The following NRXN3 variants were observed in gnomAD, a reference collection of about 807,000 sequenced individuals.
NRXN3 encodes neurexin 3, also known as neurexin III.
Under a neutral mutation model 137.6 loss-of-function variants are expected in NRXN3, and 32 were observed. The ratio of observed to expected loss-of-function variants is 0.23; its 90% CI spans 0.18 to 0.31. NRXN3 has a LOEUF of 0.31. Ranked by LOEUF, NRXN3 falls within the 10% of genes least tolerant of loss-of-function variation. The pLI is 1.00. For synonymous variants in NRXN3, 798 were observed against 784.5 expected, an observed-to-expected ratio of 1.02 and a Z score of -0.29; for missense variants, 1,574 against 2,062.5, an observed-to-expected ratio of 0.76 and a Z score of 4.59.
intron 16 of NRXN3, among the ~76,000 whole-genome samples, chr14:79,498,903 G>A (rs1601251363): frequency 1.3e-5 from 2 of 152,296 alleles, no homozygotes; most frequent in South Asian, 4.1e-4. Context: ...TCCTGTCTCA[G>A]CCTCTTGAGT....
chr14:78,179,881 T>G (rs545505913), intron 1 of NRXN3, among the ~76,000 whole-genome samples: 38 of 150,988 alleles, frequency 2.5e-4, no homozygotes, highest in African/African-American at 9.0e-4. Context: ...ATCCTGCTCT[T>G]GTTACCCAGG....
chr14:78,599,028 C>T (rs1342823518), intron 4 of NRXN3, among the ~76,000 whole-genome samples: 3 of 152,188 alleles, frequency 2.0e-5, no homozygotes, highest in Non-Finnish European at 2.9e-5. Flanking sequence ...CCCTTTGTAA[C>T]AGGCAATAAT....
chr14:79,833,956 T>G (rs921532241), intron 20 of NRXN3, among the ~76,000 whole-genome samples: 5 of 152,152 alleles, frequency 3.3e-5, no homozygotes, highest in African/African-American at 1.2e-4. Flanking sequence ...GACAACATCT[T>G]GTATGTAAAC....
intron 15 of NRXN3, among the ~76,000 whole-genome samples, chr14:79,239,378 G>A (rs2073926948): frequency 6.6e-6 from 1 of 151,982 alleles, no homozygotes; most frequent in Admixed American, 6.6e-5. Context: ...GATAGATTGG[G>A]GCCTTTAATT....
intron 16 of NRXN3, among the ~76,000 whole-genome samples, chr14:79,583,019 T>C (rs746342707): frequency 3.9e-5 from 6 of 152,240 alleles, no homozygotes; most frequent in Non-Finnish European, 7.3e-5. Context: ...ATTTATAGAA[T>C]GTTTTTGCCT....
intron 16 of NRXN3, among the ~76,000 whole-genome samples, chr14:79,474,102 C>A (rs373133065): frequency 5.3e-5 from 8 of 151,730 alleles, no homozygotes; most frequent in African/African-American, 1.9e-4. Context: ...AATTTGAAAC[C>A]AAAAAAAAGT....
chr14:79,495,168 A>C (rs2096754202), intron 16 of NRXN3, among the ~76,000 whole-genome samples: 1 of 152,190 alleles, frequency 6.6e-6, no homozygotes, highest in African/African-American at 2.4e-5. Context: ...AGGGTATAGC[A>C]TGTGCGCAGG....
chr14:78,967,034 T>C (rs549724375), intron 12 of NRXN3, among the ~76,000 whole-genome samples, 174 bp from the exon 13 acceptor site: 5 of 152,194 alleles, frequency 3.3e-5, no homozygotes, highest in Admixed American at 1.3e-4. Context: ...TAGTGAAGCA[T>C]GATAGAATAA....
intron 4 of NRXN3, among the ~76,000 whole-genome samples, chr14:78,311,378 T>C (rs927877149): frequency 1.3e-5 from 2 of 152,104 alleles, no homozygotes; most frequent in Non-Finnish European, 2.9e-5. Flanking sequence ...ATAGAGAGGG[T>C]CTTTGGGTAC....
chr14:78,678,870 C>T (rs1247322067), intron 6 of NRXN3, among the ~76,000 whole-genome samples: 1 of 152,130 alleles, frequency 6.6e-6, no homozygotes, highest in Admixed American at 6.6e-5. Context: ...CAGCTTGGAG[C>T]TGGTCTCTTC....
intron 4 of NRXN3, among the ~76,000 whole-genome samples, chr14:78,311,918 A>T (rs2078025811): frequency 6.6e-6 from 1 of 152,204 alleles, no homozygotes; most frequent in Non-Finnish European, 1.5e-5. Flanking sequence ...CCTTTAGTCG[A>T]TTCCACTGTG....
intron 15 of NRXN3, among the ~76,000 whole-genome samples, chr14:79,301,541 G>T (rs2085135073): frequency 6.6e-6 from 1 of 151,920 alleles, no homozygotes; most frequent in Non-Finnish European, 1.5e-5. Flanking sequence ...GGAACACAAT[G>T]GTCCTTGTGT....
chr14:78,518,426 G>A (rs894952113), intron 4 of NRXN3, among the ~76,000 whole-genome samples: 1 of 152,096 alleles, frequency 6.6e-6, no homozygotes, highest in African/African-American at 2.4e-5. Flanking sequence ...AGCTAGAGGT[G>A]ATCAGAAAGT....
chr14:79,062,810 T>G (rs1201482818), intron 15 of NRXN3, among the ~76,000 whole-genome samples: 1 of 152,210 alleles, frequency 6.6e-6, no homozygotes. Flanking sequence ...AATTTTGTTT[T>G]TCATGCAAGA....
At chr14:79,227,696 T>C (rs1430743944) in intron 15 of NRXN3, among the ~76,000 whole-genome samples, 1 of 151,996 alleles carries the variant, frequency 6.6e-6, no homozygotes, top group East Asian at 1.9e-4. Flanking sequence ...CTTTCTTTTC[T>C]CTCTCTTTTT....
chr14:78,637,358 A>G (rs959916398), intron 4 of NRXN3, among the ~76,000 whole-genome samples: 2 of 152,206 alleles, frequency 1.3e-5, no homozygotes, highest in African/African-American at 4.8e-5. Context: ...GACCTCCTGT[A>G]TGGAAACTTC....
At chr14:78,369,243 G>A (rs995587480) in intron 4 of NRXN3, among the ~76,000 whole-genome samples, 1 of 151,266 alleles carries the variant, frequency 6.6e-6, no homozygotes, top group Non-Finnish European at 1.5e-5. Flanking sequence ...GCAAGTGGTG[G>A]AAATACCAGA....
chr14:79,433,274 A>C (rs986243150), intron 15 of NRXN3, among the ~76,000 whole-genome samples: 1 of 152,202 alleles, frequency 6.6e-6, no homozygotes, highest in Admixed American at 6.5e-5. Flanking sequence ...TGATTGTTAC[A>C]GACTTGGGAA....
intron 2 of NRXN3, among the ~76,000 whole-genome samples, chr14:78,269,970 C>G (rs899711268): frequency 1.3e-5 from 2 of 152,208 alleles, no homozygotes; most frequent in Non-Finnish European, 2.9e-5. Context: ...ATGACTACTT[C>G]TTTTGTGCCA....
Sources: gnomAD v4.1 joint callset for allele counts (sites outside exome capture counted in the v4.1 genomes callset) on GRCh38, gnomAD v4.1.1 for gene constraint, MANE v1.5 for transcripts, NCBI Gene and HGNC (gene_info 2026-07-23, HGNC 2026-07-21) for gene names.